The following CHD6 variants were observed in gnomAD, a reference collection of about 807,000 sequenced individuals.
The protein encoded by CHD6 is chromodomain helicase DNA binding protein 6.
A neutral mutation model predicts 276.9 loss-of-function variants in CHD6; 50 were observed. The observed-to-expected ratio is 0.18, with a 90% CI of 0.14 to 0.23. The LOEUF is 0.23. CHD6 is among the 10% of genes least tolerant of loss of function. The pLI is 1.00. For missense variants in CHD6, 2,564 were observed against 3,365.8 expected, an observed-to-expected ratio of 0.76 and a Z score of 5.89; for synonymous variants, 1,173 against 1,229.3, an observed-to-expected ratio of 0.95 and a Z score of 0.96.
chr20:41,592,165 T>C (rs761234158), intron 1 of CHD6, among the ~76,000 whole-genome samples: 2 of 152,056 alleles, frequency 1.3e-5, no homozygotes, highest in African/African-American at 4.8e-5. Flanking sequence ...GTTCCCAATA[T>C]CCAAAGCTTT....
chr20:41,432,160 C>T (rs1469560110), intron 27 of CHD6, among the ~76,000 whole-genome samples: 1 of 58,978 alleles, frequency 1.7e-5, no homozygotes, highest in Non-Finnish European at 3.9e-5. Context: ...AACTCCGTCT[C>T]AAAAAAAAAA....
chr20:41,446,389 A>G (rs1569086361), intron 24 of CHD6, among the ~76,000 whole-genome samples: 1 of 152,156 alleles, frequency 6.6e-6, no homozygotes, highest in African/African-American at 2.4e-5. Flanking sequence ...AGGGATGCAC[A>G]TAACTCACCC....
chr20:41,597,075 GGAGA>G (rs1292984588), intron 1 of CHD6, among the ~76,000 whole-genome samples: 3 of 152,046 alleles, frequency 2.0e-5, no homozygotes, highest in African/African-American at 7.2e-5. Context: ...TTAAAAACAG[GGAGA>G]GAAAGAGGGC....
intron 1 of CHD6, among the ~76,000 whole-genome samples, chr20:41,600,923 C>T (rs2045767093): frequency 6.6e-6 from 1 of 152,144 alleles, no homozygotes; most frequent in Admixed American, 6.5e-5. Flanking sequence ...ACTGTTGAGG[C>T]ATAGGATCCC....
intron 2 of CHD6, among the ~76,000 whole-genome samples, chr20:41,536,434 C>T (rs1213513467): frequency 6.6e-6 from 1 of 152,178 alleles, no homozygotes; most frequent in Non-Finnish European, 1.5e-5. Context: ...TAAACTGGAT[C>T]AGGTCAGTTG....
chr20:41,557,304 AAAC>A (rs1372620188), intron 1 of CHD6, among the ~76,000 whole-genome samples: 3 of 152,196 alleles, frequency 2.0e-5, no homozygotes, highest in Admixed American at 6.5e-5. Context: ...ATGTGAAAAC[AAAC>A]AATATAAAAG....
At chr20:41,568,102 A>G (rs2045379120) in intron 1 of CHD6, among the ~76,000 whole-genome samples, 1 of 152,272 alleles carries the variant, frequency 6.6e-6, no homozygotes, top group South Asian at 2.1e-4. Context: ...AAATAGCTTG[A>G]TAAAACTATC....
intron 25 of CHD6, among the ~76,000 whole-genome samples, chr20:41,440,934 T>C (rs1320300738): frequency 1.3e-5 from 2 of 152,196 alleles, no homozygotes; most frequent in Non-Finnish European, 2.9e-5. Context: ...GTTTGGTATT[T>C]CATTTCTATT....
intron 16 of CHD6, among the ~76,000 whole-genome samples, chr20:41,480,040 T>A (rs1218541283): frequency 6.6e-6 from 1 of 152,236 alleles, no homozygotes; most frequent in African/African-American, 2.4e-5. Flanking sequence ...ATCCTGCGAA[T>A]AGATTCCTTA....
At chr20:41,496,649 C>T (rs1997746) in intron 8 of CHD6, among the ~76,000 whole-genome samples, 1 of 152,204 alleles carries the variant, frequency 6.6e-6, no homozygotes, top group African/African-American at 2.4e-5. Context: ...ATTATTCCTC[C>T]TTAATTTCAT....
chr20:41,502,793 G>A (rs1009207629), intron 5 of CHD6, among the ~76,000 whole-genome samples: 3 of 152,314 alleles, frequency 2.0e-5, no homozygotes, highest in Admixed American at 6.5e-5. Context: ...GTCACTTGAG[G>A]TCAGGAACTC....
chr20:41,512,216 C>T (rs535268192), intron 5 of CHD6, among the ~76,000 whole-genome samples: 14 of 151,886 alleles, frequency 9.2e-5, no homozygotes, highest in Non-Finnish European at 1.3e-4. Flanking sequence ...CTGCCTGCCT[C>T]GGACTCCCAA....
At chr20:41,417,373 T>C (rs760451152) in intron 31 of CHD6, 24 bp from the exon 32 acceptor site, 3 of 1,604,934 alleles carry the variant, frequency 1.9e-6, no homozygotes, top group African/African-American at 2.7e-5. Flanking sequence ...AAAAAATTAA[T>C]CAGGCACTTA....
chr20:41,448,796 G>A (rs1022398287), intron 23 of CHD6, among the ~76,000 whole-genome samples: 1 of 152,068 alleles, frequency 6.6e-6, no homozygotes, highest in Non-Finnish European at 1.5e-5. Context: ...TCAAGTTGTA[G>A]GTGGAAACAC....
At chr20:41,517,576 C>G (rs1309920357) in intron 3 of CHD6, among the ~76,000 whole-genome samples, 3 of 152,200 alleles carry the variant, frequency 2.0e-5, no homozygotes, top group Non-Finnish European at 4.4e-5. Flanking sequence ...CTTTTCTTAT[C>G]AGTTCAGAAG....
At chr20:41,451,343 C>T (rs1202712957) in intron 22 of CHD6, among the ~76,000 whole-genome samples, 1 of 152,180 alleles carries the variant, frequency 6.6e-6, no homozygotes, top group African/African-American at 2.4e-5. Flanking sequence ...TTCCCAAGTA[C>T]CCTGTGAGGA....
chr20:41,435,368 G>A (rs1238381237), intron 27 of CHD6, among the ~76,000 whole-genome samples: 1 of 152,074 alleles, frequency 6.6e-6, no homozygotes, highest in Non-Finnish European at 1.5e-5. Context: ...GGCCGGGGAG[G>A]GAGGATTGCT....
intron 3 of CHD6, among the ~76,000 whole-genome samples, chr20:41,529,280 T>C (rs1314132383): frequency 1.3e-5 from 2 of 152,226 alleles, no homozygotes; most frequent in African/African-American, 2.4e-5. Context: ...TTGGTATATA[T>C]ACATATACAT....
chr20:41,577,392 T>C (rs2045485983), intron 1 of CHD6, among the ~76,000 whole-genome samples: 1 of 152,254 alleles, frequency 6.6e-6, no homozygotes, highest in South Asian at 2.1e-4. Flanking sequence ...AGTGGTATCC[T>C]GTGTGAATCT....
Sources: allele counts gnomAD v4.1 joint callset (sites outside exome capture counted in the v4.1 genomes callset), GRCh38; gene constraint gnomAD v4.1.1; transcripts MANE v1.5; gene names NCBI Gene and HGNC (gene_info 2026-07-23, HGNC 2026-07-21).